Variants in SOX6 observed in about 807,000 individuals in gnomAD.
The protein encoded by SOX6 is transcription factor SOX-6.
A neutral mutation model predicts 97.8 loss-of-function variants in SOX6; 11 were observed. The ratio of observed to expected loss-of-function variants is 0.11; its 90% CI spans 0.07 to 0.19. The LOEUF is 0.19. Among genes scored for constraint, SOX6 ranks in the 10% least tolerant of loss-of-function variants. SOX6 has a pLI of 1.00. For synonymous variants in SOX6, 360 were observed against 371.4 expected (o/e 0.97, Z 0.35); for missense variants, 810 against 1,039.5 (o/e 0.78, Z 3.04).
intron 3 of SOX6, among the ~76,000 whole-genome samples, chr11:16,255,620 C>A (rs1021410732): frequency 6.6e-5 from 10 of 151,918 alleles, no homozygotes; most frequent in African/African-American, 2.4e-4. Flanking sequence ...GAGAGGGAAG[C>A]ATACAGCATC....
chr11:16,204,156 A>G (rs2134131910), intron 4 of SOX6, among the ~76,000 whole-genome samples: 1 of 152,214 alleles, frequency 6.6e-6, no homozygotes, highest in Middle Eastern at 3.4e-3. Context: ...TGTTATCACC[A>G]CCACCAATTT....
chr11:16,028,640 G>T (rs1384116293), intron 12 of SOX6, among the ~76,000 whole-genome samples: 1 of 152,134 alleles, frequency 6.6e-6, no homozygotes, highest in Non-Finnish European at 1.5e-5. Flanking sequence ...ATCACTGTGT[G>T]TGTTAGGCAA....
At chr11:16,400,561 T>C (rs1459563846) in intron 1 of SOX6, among the ~76,000 whole-genome samples, 1 of 151,534 alleles carries the variant, frequency 6.6e-6, no homozygotes, top group Admixed American at 6.6e-5. Context: ...GTATATGATG[T>C]AGTGATTAAA....
At chr11:16,360,246 C>G (rs1053275279), upstream of SOX6, among the ~76,000 whole-genome samples, 1 of 152,002 alleles carries the variant, frequency 6.6e-6, no homozygotes, top group African/African-American at 2.4e-5. Flanking sequence ...GGTGGTGATG[C>G]CTAGTCTGTT....
At chr11:16,415,416 T>C (rs1367011009) in intron 1 of SOX6, among the ~76,000 whole-genome samples, 1 of 151,904 alleles carries the variant, frequency 6.6e-6, no homozygotes, top group Admixed American at 6.6e-5. Context: ...CAGGGAGAAG[T>C]TGGTTAAAAG....
intron 3 of SOX6, among the ~76,000 whole-genome samples, chr11:16,666,594 T>C (rs1255614888): frequency 6.6e-6 from 1 of 152,082 alleles, no homozygotes; most frequent in Non-Finnish European, 1.5e-5. Flanking sequence ...TCACTTGAGA[T>C]TAGGAGTTTG....
intron 3 of SOX6, among the ~76,000 whole-genome samples, chr11:16,713,103 A>G (rs1041297956): frequency 6.6e-6 from 1 of 152,204 alleles, no homozygotes; most frequent in African/African-American, 2.4e-5. Context: ...GTGACCCCAG[A>G]CTTTCTGATT....
intron 9 of SOX6, among the ~76,000 whole-genome samples, chr11:16,061,707 T>C (rs926510890): frequency 4.0e-5 from 6 of 151,796 alleles, no homozygotes; most frequent in Non-Finnish European, 5.9e-5. Context: ...CGTAGATCAA[T>C]GGAACAGAAT....
intron 4 of SOX6, among the ~76,000 whole-genome samples, chr11:16,543,829 T>G (rs1847583517): frequency 6.6e-6 from 1 of 152,210 alleles, no homozygotes; most frequent in Non-Finnish European, 1.5e-5. Context: ...GTTTGGCACT[T>G]CCTCAAAAAG....
At chr11:16,720,241 C>G (rs1187550025) in intron 2 of SOX6, among the ~76,000 whole-genome samples, 1 of 149,048 alleles carries the variant, frequency 6.7e-6, no homozygotes, top group African/African-American at 2.5e-5. Context: ...GACACATGCA[C>G]ACGTATGTTT....
chr11:16,689,732 G>C (rs1344121767), intron 3 of SOX6, among the ~76,000 whole-genome samples: 1 of 152,062 alleles, frequency 6.6e-6, no homozygotes, highest in Non-Finnish European at 1.5e-5. Context: ...TTGCTTTTAA[G>C]TACATTCTAG....
intron 4 of SOX6, among the ~76,000 whole-genome samples, chr11:16,188,619 A>AT (rs1851546748): frequency 6.6e-6 from 1 of 152,188 alleles, no homozygotes; most frequent in African/African-American, 2.4e-5. Context: ...CAAGAATGAT[A>AT]TTTTTTAAAT....
At chr11:16,141,388 T>C (rs937274032) in intron 6 of SOX6, among the ~76,000 whole-genome samples, 4 of 152,016 alleles carry the variant, frequency 2.6e-5, no homozygotes, top group African/African-American at 9.7e-5. Flanking sequence ...CAACGGCAGT[T>C]CCAAGATGGC....
chr11:16,559,170 A>G (rs376512655), intron 4 of SOX6, among the ~76,000 whole-genome samples: 60 of 152,208 alleles, frequency 3.9e-4, no homozygotes, highest in African/African-American at 1.4e-3. Flanking sequence ...GACTTAATGT[A>G]TATTTGCTAG....
At chr11:15,995,446 C>T (rs935284785) in intron 13 of SOX6, among the ~76,000 whole-genome samples, 55 of 152,222 alleles carry the variant, frequency 3.6e-4, no homozygotes, top group Admixed American at 2.7e-3. Context: ...TAAAAATTTT[C>T]AGAGGAAGAT....
intron 4 of SOX6, among the ~76,000 whole-genome samples, chr11:16,561,479 A>C (rs1301048676): frequency 6.6e-6 from 1 of 152,214 alleles, no homozygotes; most frequent in East Asian, 1.9e-4. Context: ...CAAAGAATTC[A>C]AAGGTCATGA....
intron 1 of SOX6, among the ~76,000 whole-genome samples, chr11:16,464,827 T>C (rs549474727): frequency 6.6e-6 from 1 of 152,264 alleles, no homozygotes; most frequent in East Asian, 1.9e-4. Context: ...TTTCCTAAAA[T>C]TCCTAAAGTT....
At chr11:16,430,126 A>G (rs1859246463) in intron 1 of SOX6, among the ~76,000 whole-genome samples, 1 of 152,116 alleles carries the variant, frequency 6.6e-6, no homozygotes, top group Non-Finnish European at 1.5e-5. Context: ...TGTTCCTTCC[A>G]CCATAGGAAA....
intron 1 of SOX6, among the ~76,000 whole-genome samples, chr11:16,346,964 A>C (rs1856791545): frequency 6.6e-6 from 1 of 152,138 alleles, no homozygotes; most frequent in South Asian, 2.1e-4. Context: ...ATTCTTCTTA[A>C]GTCATCAAAG....
Sources: gnomAD v4.1 joint callset for allele counts (sites outside exome capture counted in the v4.1 genomes callset) on GRCh38, gnomAD v4.1.1 for gene constraint, MANE v1.5 for transcripts, NCBI Gene and HGNC (gene_info 2026-07-23, HGNC 2026-07-21) for gene names.